The following SCGB2B2 variants were observed in gnomAD, a reference collection of about 807,000 sequenced individuals.
SCGB2B2 encodes the protein secretoglobin family 2B member 2, also known as secretoglobin-like protein.
A neutral mutation model predicts 7.6 loss-of-function variants in SCGB2B2; 11 were observed. That is an observed-to-expected ratio of 1.45 (90% confidence interval 0.91 to 2.40). The LOEUF (loss-of-function observed/expected upper bound fraction) is 2.40. SCGB2B2 is among the 30% of genes most tolerant of loss of function. The pLI, the probability that SCGB2B2 is intolerant of heterozygous loss-of-function variation, is 0.00. For missense variants in SCGB2B2, 104 were observed against 115.4 expected (o/e 0.90, Z 0.45); for synonymous variants, 50 against 48.6 (o/e 1.03, Z -0.12).
intron 1 of SCGB2B2, among the ~76,000 whole-genome samples, chr19:34,633,774 T>C (rs975706499): frequency 3.0e-5 from 3 of 98,628 alleles, no homozygotes; most frequent in African/African-American, 1.3e-4. Flanking sequence ...TGCGCAACAA[T>C]ATCTCAATAG....
chr19:34,645,413 G>C (rs115160505), intron 1 of SCGB2B2: 1,609 of 160,218 alleles, frequency 0.01, 12 homozygotes, highest in African/African-American at 0.037. Flanking sequence ...TGCAGGCTGA[G>C]CTGAGTTCCT....
intron 1 of SCGB2B2, among the ~76,000 whole-genome samples, chr19:34,652,674 T>C (rs1342350121): frequency 6.6e-6 from 1 of 151,204 alleles, no homozygotes; most frequent in Non-Finnish European, 1.5e-5. Context: ...TCACCCCAGT[T>C]AGAATGGCTA....
chr19:34,593,803 A>T (rs2065362462), intron 3 of SCGB2B2, among the ~76,000 whole-genome samples: 1 of 151,980 alleles, frequency 6.6e-6, no homozygotes, highest in African/African-American at 2.4e-5. Context: ...TAACACGTGT[A>T]TGCATGTGTG....
chr19:34,594,662 T>C lies in SCGB2B2; in HGVS notation c.-99A>G. 1 of 212,430 alleles carries C rather than the reference T, an allele frequency of 4.7e-6. No individual in the cohort carries two copies. The highest frequency in any genetic ancestry group is 8.3e-6 in the Non-Finnish European group (1 of 120,782). 13.2% of individuals were successfully genotyped at this position (212,430 alleles called of 1,614,324 possible). A position where few individuals can be genotyped will look rare whatever the true frequency, so the allele number is the denominator to read the frequency against. ...AGGCACATGCCTCTTCGTGTGTGTG[T>C]GTGTGTGTGTGTGTGTGTGTGTGTG... On this transcript the variant is annotated 5_prime_UTR_variant, in exon 2 of 4. Transcript: ENST00000601241.
At position 34,597,805 on chromosome 19, in the gene SCGB2B2, C is replaced by G. The variant is rs1224119737; in HGVS notation, c.-2031-1211G>C. Among the ~76,000 whole-genome samples the G allele has an allele frequency of 2.6e-5, 4 of 152,336 alleles. No homozygotes were observed. In the East Asian group the frequency reaches 7.7e-4, roughly 29 times the overall value. On this transcript the variant is annotated intron_variant, in intron 1 of 3. Coordinates refer to ENST00000601241, the MANE Select transcript of SCGB2B2 (RefSeq NM_001025591.4). ...GGCAGGTCCAGGGCCAGACAGGCAT[C>G]CCATGCTGCAGCCTCGAGGCCTGCA...
chr19:34,648,969 C>G (rs1182670762), intron 1 of SCGB2B2, among the ~76,000 whole-genome samples: 1 of 152,132 alleles, frequency 6.6e-6, no homozygotes, highest in East Asian at 1.9e-4. Context: ...GTGGTGCGAT[C>G]TCAACTCACT....
At chr19:34,670,886 T>C (rs902534658) in intron 1 of SCGB2B2, among the ~76,000 whole-genome samples, 2 of 152,216 alleles carry the variant, frequency 1.3e-5, no homozygotes, top group African/African-American at 4.8e-5. Context: ...AGTTCTTGAA[T>C]ATTGTATACC....
chr19:34,643,786 ATT>A (rs998250463), intron 1 of SCGB2B2, among the ~76,000 whole-genome samples: 7 of 152,130 alleles, frequency 4.6e-5, no homozygotes, highest in African/African-American at 1.7e-4. Context: ...GATAGTCCAA[ATT>A]TGAGTAAAAG....
intron 1 of SCGB2B2, chr19:34,646,079 TG>T: frequency 4.2e-6 from 1 of 237,582 alleles, no homozygotes; most frequent in Admixed American, 5.1e-5. Context: ...AAGTGTGCCC[TG>T]GGGAACCTGC....
chr19:34,675,092 T>G (rs2067890304), intron 1 of SCGB2B2, among the ~76,000 whole-genome samples: 1 of 152,206 alleles, frequency 6.6e-6, no homozygotes, highest in African/African-American at 2.4e-5. Flanking sequence ...AAAATGCAAC[T>G]TTAAGCCACA....
At chr19:34,618,587 G>T (rs1037028761) in intron 1 of SCGB2B2, among the ~76,000 whole-genome samples, 2 of 152,118 alleles carry the variant, frequency 1.3e-5, no homozygotes, top group African/African-American at 4.8e-5. Context: ...TTTTAGGTTA[G>T]GACAATCCTT....
intron 1 of SCGB2B2, among the ~76,000 whole-genome samples, chr19:34,642,117 C>T (rs1048856627): frequency 4.6e-5 from 7 of 152,182 alleles, no homozygotes; most frequent in African/African-American, 1.2e-4. Context: ...ACTTCTTACC[C>T]GACAGGCTTC....
At chr19:34,610,602 G>A (rs1206503704) in intron 1 of SCGB2B2, among the ~76,000 whole-genome samples, 1 of 152,078 alleles carries the variant, frequency 6.6e-6, no homozygotes, top group Admixed American at 6.6e-5. Flanking sequence ...TTGATGTGAT[G>A]TGTCACAAGT....
At chr19:34,667,072 C>A (rs369174877) in intron 1 of SCGB2B2, among the ~76,000 whole-genome samples, 60 of 152,182 alleles carry the variant, frequency 3.9e-4, no homozygotes, top group African/African-American at 1.4e-3. Context: ...GCAGCAGGCC[C>A]GGCCACCAGC....
At chr19:34,586,708 G>A (rs749957243), downstream of SCGB2B2, among the ~76,000 whole-genome samples, 12 of 152,138 alleles carry the variant, frequency 7.9e-5, no homozygotes, top group Non-Finnish European at 4.4e-5. Context: ...TTGTATTGAT[G>A]TCTGGAATCT....
chr19:34,620,557 C>T (rs1162851925), intron 1 of SCGB2B2, among the ~76,000 whole-genome samples: 3 of 151,472 alleles, frequency 2.0e-5, no homozygotes, highest in Non-Finnish European at 4.4e-5. Context: ...AGGAGATATA[C>T]CTAATGTAAA....
rs116415661 is a variant in SCGB2B2, at chr19:34,638,700, A to G, written c.-2032+36930T>C. ...GAATTTCACTCTCTTAAACTCTGATATGACTAAATACTTCAAAGGTTTAAT... is the reference window on the plus strand; with the variant it reads ...GAATTTCACTCTCTTAAACTCTGATGTGACTAAATACTTCAAAGGTTTAAT... On this transcript the variant is annotated intron_variant, in intron 1 of 3. Coordinates refer to ENST00000601241, the MANE Select transcript of SCGB2B2 (RefSeq NM_001025591.4). 4.2e-3 allele frequency among the ~76,000 whole-genome samples: 647 copies of G among 152,314 alleles called. 5 individuals carry two copies. Among genetic ancestry groups the G allele is most frequent in the African/African-American group, 0.014 (585 of 41,552 alleles).
At position 34,677,034 on chromosome 19, in the gene SCGB2B2, C is replaced by A. The variant is rs2067979894; in HGVS notation, c.-3436G>T. ...TCCAGGGGCGTAACGCACGTCAGAA[C>A]GGCCATTAGTGTCACAGATACGTGT... On this transcript the variant is annotated 5_prime_UTR_variant, in exon 1 of 4. Coordinates refer to ENST00000601241, the MANE Select transcript of SCGB2B2 (RefSeq NM_001025591.4). 6.6e-6 allele frequency: 1 copy of A among 152,076 alleles called. No individual in the cohort carries two copies. The highest frequency in any genetic ancestry group is 1.9e-4 in the East Asian group (1 of 5,164). The allele number at this position is 152,076 out of a possible 1,614,324, so 9.4% of individuals were successfully genotyped here. A position where few individuals can be genotyped will look rare whatever the true frequency, so the allele number is the denominator to read the frequency against.
intron 1 of SCGB2B2, among the ~76,000 whole-genome samples, chr19:34,600,358 CAT>C (rs2065589671): frequency 6.6e-6 from 1 of 152,156 alleles, no homozygotes; most frequent in South Asian, 2.1e-4. Context: ...AGGGAGCTTT[CAT>C]ATGTTGATGT....
Sources: allele counts gnomAD v4.1 joint callset (sites outside exome capture counted in the v4.1 genomes callset), GRCh38; gene constraint gnomAD v4.1.1; transcripts MANE v1.5; gene names NCBI Gene and HGNC (gene_info 2026-07-23, HGNC 2026-07-21).